Variants in DPP10 observed in about 807,000 individuals in gnomAD.
DPP10 encodes dipeptidyl peptidase like 10.
Under a neutral mutation model 120.9 loss-of-function variants are expected in DPP10, and 33 were observed. The ratio of observed to expected loss-of-function variants is 0.27; its 90% CI spans 0.21 to 0.37. The LOEUF is 0.37. Among genes scored for constraint, DPP10 ranks in the 10% least tolerant of loss-of-function variants. The pLI is 1.00. For synonymous variants in DPP10, 337 were observed against 326.1 expected, an observed-to-expected ratio of 1.03 and a Z score of -0.36; for missense variants, 816 against 942.8, an observed-to-expected ratio of 0.87 and a Z score of 1.76.
intron 3 of DPP10, among the ~76,000 whole-genome samples, chr2:115,479,611 AAC>A (rs1436990983): frequency 4.6e-5 from 7 of 151,798 alleles, no homozygotes; most frequent in Non-Finnish European, 7.4e-5. Context: ...ATGAGGAAGA[AAC>A]ACAGTTTAAT....
intron 1 of DPP10, among the ~76,000 whole-genome samples, chr2:115,257,124 C>A (rs866668546): frequency 4.6e-5 from 7 of 152,262 alleles, no homozygotes; most frequent in South Asian, 4.1e-4. Flanking sequence ...ACCATTTAAC[C>A]AGTCTCTAAG....
chr2:115,543,887 G>A (rs1018061001), intron 5 of DPP10, among the ~76,000 whole-genome samples: 5 of 151,982 alleles, frequency 3.3e-5, no homozygotes, highest in African/African-American at 4.8e-5. Flanking sequence ...GGGGAAAGTA[G>A]TCATTGTGTT....
intron 1 of DPP10, among the ~76,000 whole-genome samples, chr2:114,936,278 T>C (rs1696461693): frequency 6.6e-6 from 1 of 152,090 alleles, no homozygotes; most frequent in African/African-American, 2.4e-5. Flanking sequence ...CTTAGAATAA[T>C]AGTCTCCAAT....
intron 1 of DPP10, among the ~76,000 whole-genome samples, chr2:114,660,979 G>T (rs1005347128): frequency 6.6e-6 from 1 of 152,124 alleles, no homozygotes; most frequent in East Asian, 1.9e-4. Context: ...ATAAAATTAG[G>T]CTGCATTTTT....
At chr2:114,950,032 T>A (rs920883557) in intron 1 of DPP10, among the ~76,000 whole-genome samples, 1 of 152,184 alleles carries the variant, frequency 6.6e-6, no homozygotes, top group African/African-American at 2.4e-5. Context: ...CTTAAAAAAA[T>A]TCTTAAAAAA....
intron 1 of DPP10, among the ~76,000 whole-genome samples, chr2:114,728,457 C>T (rs574133893): frequency 6.6e-6 from 1 of 152,242 alleles, no homozygotes; most frequent in South Asian, 2.1e-4. Context: ...ACTCTCCCAC[C>T]CTCTGGTTAA....
At chr2:115,081,628 C>A (rs1168085845) in intron 1 of DPP10, among the ~76,000 whole-genome samples, 1 of 152,074 alleles carries the variant, frequency 6.6e-6, no homozygotes, top group East Asian at 1.9e-4. Context: ...TTTTCCATTT[C>A]TGTCCTTTTC....
At chr2:115,359,835 T>A (rs75523410) in intron 3 of DPP10, among the ~76,000 whole-genome samples, 2,784 of 152,286 alleles carry the variant, frequency 0.018, 30 homozygotes, top group African/African-American at 0.039. Flanking sequence ...TATATTTGTC[T>A]TACTGAATTG....
intron 3 of DPP10, among the ~76,000 whole-genome samples, chr2:115,351,477 A>G (rs1338293601): frequency 1.3e-5 from 2 of 152,062 alleles, no homozygotes; most frequent in Admixed American, 6.6e-5. Flanking sequence ...AGTATCATAC[A>G]CTATACCTTG....
At chr2:115,085,140 G>A (rs149022703) in intron 1 of DPP10, among the ~76,000 whole-genome samples, 3 of 152,328 alleles carry the variant, frequency 2.0e-5, no homozygotes, top group African/African-American at 7.2e-5. Flanking sequence ...ATAGCATTCT[G>A]CAGTTCTGTC....
chr2:115,275,377 C>A (rs1186972104), intron 1 of DPP10, among the ~76,000 whole-genome samples: 1 of 152,120 alleles, frequency 6.6e-6, no homozygotes, highest in Admixed American at 6.5e-5. Flanking sequence ...ACGAATCTAT[C>A]GATGTATATT....
Position 115,019,873 on chromosome 2 carries a change from G to A in DPP10, c.61-289366G>A, listed in dbSNP as rs191300093. On this transcript the variant is annotated intron_variant, in intron 1 of 25. Coordinates refer to ENST00000410059, the MANE Select transcript of DPP10 (RefSeq NM_020868.6). ...TGGGTCCTATCTTTAGCCTCCTTGA[G>A]CAAAACAATAATTAGCCAAAAATTT... Among the ~76,000 whole-genome samples, 143 of 152,270 alleles carry A rather than the reference G, an allele frequency of 9.4e-4. 1 individual carries two copies. The highest frequency in any genetic ancestry group is 4.6e-3 in the East Asian group (24 of 5,174).
At chr2:114,853,465 G>A (rs1574345847) in intron 1 of DPP10, among the ~76,000 whole-genome samples, 2 of 151,960 alleles carry the variant, frequency 1.3e-5, no homozygotes, top group African/African-American at 4.8e-5. Context: ...GAGGCCCACC[G>A]AAGACCCACT....
intron 1 of DPP10, among the ~76,000 whole-genome samples, chr2:115,123,352 T>A (rs2049917777): frequency 6.6e-6 from 1 of 152,222 alleles, no homozygotes; most frequent in South Asian, 2.1e-4. Context: ...TTCTGGGATT[T>A]GTGTTTCTTC....
At chr2:114,712,072 C>T (rs1222221336) in intron 1 of DPP10, among the ~76,000 whole-genome samples, 4 of 152,168 alleles carry the variant, frequency 2.6e-5, no homozygotes, top group Non-Finnish European at 5.9e-5. Context: ...GTAATCCCAG[C>T]ACTATGGGAG....
intron 7 of DPP10, among the ~76,000 whole-genome samples, chr2:115,716,565 A>C (rs1333727545): frequency 6.6e-6 from 1 of 152,188 alleles, no homozygotes; most frequent in Non-Finnish European, 1.5e-5. Flanking sequence ...GTTCAATTAC[A>C]TTTAAGTTCA....
intron 1 of DPP10, among the ~76,000 whole-genome samples, chr2:114,873,368 G>GT (rs1256962320): frequency 1.3e-5 from 2 of 152,146 alleles, no homozygotes; most frequent in Non-Finnish European, 2.9e-5. Flanking sequence ...AGGTTGATGA[G>GT]TCTACCCATG....
rs560644135 is a variant in DPP10 at position 115,381,067 on chromosome 2, T to A, written c.271+37155T>A. Among the ~76,000 whole-genome samples, 412 of 152,282 alleles carry A rather than the reference T, an allele frequency of 2.7e-3. 2 individuals carry two copies. The highest frequency in any genetic ancestry group is 9.6e-3 in the African/African-American group (400 of 41,560). On this transcript the variant is annotated intron_variant, in intron 3 of 25. Transcript: ENST00000410059. ...CTTCTCGTGGAGTATCTTTGTGGCA[T>A]TCTCTGTATTTCCTGAATCTGAATG... is the stretch of plus-strand genomic sequence containing the variant.
In DPP10 at chr2:115,131,446, A is replaced by T. The variant is rs191574003; in HGVS notation, c.61-177793A>T. Among the ~76,000 whole-genome samples the T allele has an allele frequency of 1.6e-4, 25 of 152,190 alleles. No individual in the cohort carries two copies. The East Asian group carries it at 4.5e-3, about 27-fold the overall frequency. On this transcript the variant is annotated intron_variant, in intron 1 of 25. Transcript: ENST00000410059. ...GAGGATTGCTTGAGTCCGGGAGGTCAAGGCTGCAGTGAGCCCTGATTGAGC... is the reference window on the plus strand; with the variant it reads ...GAGGATTGCTTGAGTCCGGGAGGTCTAGGCTGCAGTGAGCCCTGATTGAGC...
Sources: gnomAD v4.1 joint callset for allele counts (sites outside exome capture counted in the v4.1 genomes callset) on GRCh38, gnomAD v4.1.1 for gene constraint, MANE v1.5 for transcripts, NCBI Gene and HGNC (gene_info 2026-07-23, HGNC 2026-07-21) for gene names.